CECR2: variants seen among roughly 807,000 people sequenced by gnomAD.
CECR2 encodes the protein chromatin remodeling regulator CECR2.
Under a neutral mutation model 154.5 loss-of-function variants are expected in CECR2, and 30 were observed. The ratio of observed to expected loss-of-function variants is 0.19; its 90% CI spans 0.15 to 0.26. The LOEUF (loss-of-function observed/expected upper bound fraction) is 0.26, where lower values mean the gene tolerates loss of function less well. Ranked by LOEUF, CECR2 falls within the 10% of genes least tolerant of loss-of-function variation. The pLI, the probability that CECR2 is intolerant of heterozygous loss-of-function variation, is 1.00. For synonymous variants in CECR2, 725 were observed against 683.7 expected (o/e 1.06, Z -0.94); for missense variants, 1,743 against 1,829.3 (o/e 0.95, Z 0.86).
intron 9 of CECR2, among the ~76,000 whole-genome samples, chr22:17,532,700 C>CTTTTTTTATTTTTTTTTTTT (rs2056375803): frequency 2.8e-5 from 1 of 35,770 alleles, no homozygotes; most frequent in Non-Finnish European, 4.7e-5. Flanking sequence ...CATTATTATT[C>CTTTTTTTATTTTTTTTTTTT]TTTTTTTTTT....
intron 1 of CECR2, among the ~76,000 whole-genome samples, chr22:17,376,325 G>A (rs1421353055): frequency 2.0e-5 from 3 of 152,092 alleles, no homozygotes; most frequent in Admixed American, 6.6e-5. Flanking sequence ...TCTGAAGGGC[G>A]GCCTGCGTTA....
chr22:17,412,906 A>G (rs767157202), intron 1 of CECR2, among the ~76,000 whole-genome samples: 3 of 152,124 alleles, frequency 2.0e-5, no homozygotes, highest in South Asian at 2.1e-4. Context: ...TGTTCTTTGA[A>G]GACGATGCTG....
rs2056739744 is a variant in CECR2, at chr22:17,553,492, T to C, written c.*652T>C. ...AGATGAGGGTAGGAAAGGTTTGATC[T>C]TGTAATATGTCACTGTGTTTCCTTA... On this transcript the variant is annotated 3_prime_UTR_variant, in exon 19 of 19. Coordinates refer to ENST00000262608, the MANE Select transcript of CECR2 (RefSeq NM_001290047.2). 6.6e-6 allele frequency: 1 copy of C among 152,326 alleles called. No individual in the cohort carries two copies. Among genetic ancestry groups the C allele is most frequent in the African/African-American group, 2.4e-5 (1 of 41,448 alleles). The allele number at this position is 152,326 out of a possible 1,614,324, so 9.4% of individuals were successfully genotyped here. A position where few individuals can be genotyped will look rare whatever the true frequency, so the allele number is the denominator to read the frequency against.
intron 17 of CECR2, among the ~76,000 whole-genome samples, chr22:17,550,709 G>A (rs1018058741): frequency 2.6e-5 from 4 of 152,154 alleles, no homozygotes; most frequent in Admixed American, 2.0e-4. Flanking sequence ...TCGGGAGGCC[G>A]AGGCGGGCAG....
At chr22:17,361,664 G>C (rs992002086) in intron 1 of CECR2, among the ~76,000 whole-genome samples, 1 of 151,774 alleles carries the variant, frequency 6.6e-6, no homozygotes, top group Non-Finnish European at 1.5e-5. Flanking sequence ...ACTTGAACCC[G>C]GGGGCTGGGG....
chr22:17,471,256 C>G lies in CECR2; in HGVS notation c.127-6332C>G, dbSNP rs556151899. ...TCTAAGCGATGAAGTCCAGATGATTCCATCTGGTATCTGAGGCTGTCTGTG... is the reference window on the plus strand; with the variant it reads ...TCTAAGCGATGAAGTCCAGATGATTGCATCTGGTATCTGAGGCTGTCTGTG... On this transcript the variant is annotated intron_variant, in intron 1 of 18. Coordinates refer to ENST00000262608, the MANE Select transcript of CECR2 (RefSeq NM_001290047.2). 2.6e-5 allele frequency among the ~76,000 whole-genome samples: 4 copies of G among 152,274 alleles called. No individual in the cohort carries two copies. The East Asian group carries it at 7.7e-4, about 29-fold the overall frequency.
At chr22:17,462,720 C>A (rs1262527958) in intron 1 of CECR2, among the ~76,000 whole-genome samples, 1 of 152,052 alleles carries the variant, frequency 6.6e-6, no homozygotes, top group Non-Finnish European at 1.5e-5. Flanking sequence ...TCAAGACCAG[C>A]CTGGCCAAGA....
rs151251962 is a variant in CECR2 at position 17,465,537 on chromosome 22, T to C, written c.127-12051T>C. Among the ~76,000 whole-genome samples the C allele has an allele frequency of 3.4e-4, 51 of 152,180 alleles. No homozygotes were observed. The East Asian group carries it at 9.9e-3, about 30-fold the overall frequency. On this transcript the variant is annotated intron_variant, in intron 1 of 18. Transcript: ENST00000262608. ...TCTTGCTCTGTCACCCAGGCTGGAA[T>C]GCAGTAGTGCATTCTTGGCTCACTG...
rs534623565 is a variant in CECR2, at chr22:17,372,535, C to G, written c.126+2626C>G. Among the ~76,000 whole-genome samples, 9 of 152,086 alleles carry G rather than the reference C, an allele frequency of 5.9e-5. No homozygotes were observed. The South Asian group carries it at 1.9e-3, about 32-fold the overall frequency. On this transcript the variant is annotated intron_variant, in intron 1 of 18. Transcript: ENST00000262608. ...ATAAAAAGTTAGCCAGGCATGGTGG[C>G]GCGCTCCTGTAATCCCAGTTACATC... is the stretch of plus-strand genomic sequence containing the variant.
chr22:17,389,808 A>G (rs2063307370), intron 1 of CECR2, among the ~76,000 whole-genome samples: 1 of 151,986 alleles, frequency 6.6e-6, no homozygotes, highest in Non-Finnish European at 1.5e-5. Context: ...TTGTGTTTTT[A>G]GTAGAGACGG....
chr22:17,518,824 A>G (rs1168691297), intron 8 of CECR2: 1 of 296,142 alleles, frequency 3.4e-6, no homozygotes, highest in South Asian at 3.7e-5. Context: ...TAGATCTCCT[A>G]AGGCTACTGA....
chr22:17,387,619 G>A (rs1313477165), intron 1 of CECR2, among the ~76,000 whole-genome samples: 2 of 152,178 alleles, frequency 1.3e-5, no homozygotes, highest in Non-Finnish European at 1.5e-5. Context: ...ACTTTTGTCT[G>A]TGTGCACATA....
chr22:17,365,511 G>A (rs559723612), upstream of CECR2, among the ~76,000 whole-genome samples: 5 of 151,714 alleles, frequency 3.3e-5, no homozygotes, highest in South Asian at 4.2e-4. Flanking sequence ...TGGCTAACAC[G>A]GTGAAACCCC....
At chr22:17,477,272 C>T (rs2055224464) in intron 1 of CECR2, 1 of 623,278 alleles carries the variant, frequency 1.6e-6, no homozygotes, top group Non-Finnish European at 2.9e-6. Flanking sequence ...TATATATAAT[C>T]AAAGAGTTAA....
intron 1 of CECR2, among the ~76,000 whole-genome samples, chr22:17,443,927 T>C (rs1283722161): frequency 2.6e-5 from 4 of 152,148 alleles, no homozygotes; most frequent in African/African-American, 9.7e-5. Flanking sequence ...AGCCGTACCG[T>C]AAACAAGCAG....
chr22:17,533,753 G>A (rs1014463809), intron 9 of CECR2, among the ~76,000 whole-genome samples: 6 of 151,676 alleles, frequency 4.0e-5, no homozygotes, highest in Non-Finnish European at 7.4e-5. Flanking sequence ...TTTCACCCTT[G>A]TTGCCCAGGC....
At chr22:17,418,710 T>C in intron 1 of CECR2, 1 of 518,254 alleles carries the variant, frequency 1.9e-6, no homozygotes, top group African/African-American at 2.0e-5. Flanking sequence ...GCGGAGGCGA[T>C]GGATTTGGGC....
chr22:17,535,292 T>G (rs954233386), intron 9 of CECR2, among the ~76,000 whole-genome samples: 1 of 151,826 alleles, frequency 6.6e-6, no homozygotes, highest in African/African-American at 2.4e-5. Context: ...CACTTTAGCC[T>G]GGGCAACAGA....
intron 2 of CECR2, among the ~76,000 whole-genome samples, chr22:17,485,373 G>A (rs1049938354): frequency 3.3e-5 from 5 of 152,174 alleles, no homozygotes; most frequent in Non-Finnish European, 7.3e-5. Flanking sequence ...TTGAAAACAG[G>A]ATTTTTAACT....
Sources: allele counts gnomAD v4.1 joint callset (sites outside exome capture counted in the v4.1 genomes callset), GRCh38; gene constraint gnomAD v4.1.1; transcripts MANE v1.5; gene names NCBI Gene and HGNC (gene_info 2026-07-23, HGNC 2026-07-21).